EHBP1: variants seen among roughly 807,000 people sequenced by gnomAD.
The protein encoded by EHBP1 is EH domain binding protein 1.
A neutral mutation model predicts 144.0 loss-of-function variants in EHBP1; 55 were observed. That is an observed-to-expected ratio of 0.38 (90% CI 0.31 to 0.48). The LOEUF (loss-of-function observed/expected upper bound fraction) is 0.48, where lower values mean the gene tolerates loss of function less well. Ranked by LOEUF, EHBP1 falls within the 20% of genes least tolerant of loss-of-function variation. EHBP1 has a pLI of 0.98. For synonymous variants in EHBP1, 469 were observed against 472.7 expected (o/e 0.99, Z 0.10); for missense variants, 1,200 against 1,364.2 (o/e 0.88, Z 1.90).
chr2:62,722,023 CTCTT>C (rs1558548347), intron 2 of EHBP1, among the ~76,000 whole-genome samples: 1 of 152,114 alleles, frequency 6.6e-6, no homozygotes, highest in Non-Finnish European at 1.5e-5. Flanking sequence ...TTATCAATCT[CTCTT>C]AAGCTATTTT....
At chr2:62,729,478 T>TATATATAA (rs1036724012) in intron 2 of EHBP1, among the ~76,000 whole-genome samples, 168 of 106,112 alleles carry the variant, frequency 1.6e-3, no homozygotes, top group Non-Finnish European at 2.3e-3. Context: ...TATATAAAAA[T>TATATATAA]ATATATAAAT....
intron 10 of EHBP1, among the ~76,000 whole-genome samples, chr2:62,906,695 T>C (rs566177372): frequency 1.3e-5 from 2 of 152,304 alleles, no homozygotes; most frequent in South Asian, 4.1e-4. Context: ...TCTAGTACAA[T>C]ATCACAACCA....
In EHBP1 at chr2:62,795,244, T is replaced by C. The variant is rs112358495; in HGVS notation, c.312+23852T>C. On this transcript the variant is annotated intron_variant, in intron 5 of 22. Coordinates refer to ENST00000431489, the MANE Select transcript of EHBP1 (RefSeq NM_001142616.3). Reference sequence around the variant, plus strand: ...AGGAAAATTAACATTCTCCTGCCTCTTCCTTCCTCCCTCCATCCTACCCCA... The same window carrying C: ...AGGAAAATTAACATTCTCCTGCCTCCTCCTTCCTCCCTCCATCCTACCCCA... Among the ~76,000 whole-genome samples the C allele has an allele frequency of 6.7e-4, 102 of 152,152 alleles. 1 individual carries two copies. Among genetic ancestry groups the C allele is most frequent in the African/African-American group, 2.3e-3 (95 of 41,560 alleles).
chr2:62,870,584 C>T (rs2050381445), intron 9 of EHBP1, among the ~76,000 whole-genome samples: 1 of 151,474 alleles, frequency 6.6e-6, no homozygotes, highest in Admixed American at 6.6e-5. Flanking sequence ...GGTGTAGTGG[C>T]AGGTGCCTGT....
intron 10 of EHBP1, among the ~76,000 whole-genome samples, chr2:62,930,278 G>C (rs2055881145): frequency 6.6e-6 from 1 of 152,052 alleles, no homozygotes; most frequent in South Asian, 2.1e-4. Flanking sequence ...AACAAAAACA[G>C]TAGCATCAAA....
chr2:62,870,734 A>AAAAAAAATATATATATATAT (rs2050404940), intron 9 of EHBP1, among the ~76,000 whole-genome samples: 1 of 136,622 alleles, frequency 7.3e-6, no homozygotes, highest in South Asian at 2.2e-4. Context: ...AAAAAAAAAA[A>AAAAAAAATATATATATATAT]ATACATATAT....
chr2:62,777,890 A>C (rs908865047), intron 5 of EHBP1, among the ~76,000 whole-genome samples: 2 of 152,222 alleles, frequency 1.3e-5, no homozygotes, highest in Non-Finnish European at 2.9e-5. Flanking sequence ...GGAAAGAAAT[A>C]GCAAAAGTAA....
intron 2 of EHBP1, among the ~76,000 whole-genome samples, chr2:62,711,167 A>G (rs901710995): frequency 4.3e-4 from 66 of 152,316 alleles, no homozygotes; most frequent in Non-Finnish European, 2.5e-4. Context: ...ACCCTCACAC[A>G]CACTCAGCAC....
intron 10 of EHBP1, among the ~76,000 whole-genome samples, chr2:62,917,441 C>A (rs570569963): frequency 2.6e-5 from 4 of 152,010 alleles, no homozygotes; most frequent in African/African-American, 9.7e-5. Context: ...TAAACAGATG[C>A]GCACGTGTGC....
At chr2:62,706,751 T>G (rs189590060) in intron 1 of EHBP1, 146 bp from the exon 2 acceptor site, 48 of 158,514 alleles carry the variant, frequency 3.0e-4, no homozygotes, top group Non-Finnish European at 5.4e-4. Context: ...TACTGGCTTT[T>G]GAGGTCAGTG....
rs938179092 is a variant in EHBP1 at position 62,908,404 on chromosome 2, T to A, written c.1185+33872T>A. Among the ~76,000 whole-genome samples, 4 of 152,152 alleles carry A rather than the reference T, an allele frequency of 2.6e-5. No homozygotes were observed. In the South Asian group the frequency reaches 6.2e-4, roughly 24 times the overall value. Reference sequence around the variant, plus strand: ...TTTACTCATCCTTTCAAGACCTAGCTGTTCGTTCCATTGATTTTTTTTCTC... The same window carrying A: ...TTTACTCATCCTTTCAAGACCTAGCAGTTCGTTCCATTGATTTTTTTTCTC... On this transcript the variant is annotated intron_variant, in intron 10 of 22. Coordinates refer to ENST00000431489, the MANE Select transcript of EHBP1 (RefSeq NM_001142616.3).
intron 19 of EHBP1, among the ~76,000 whole-genome samples, chr2:63,000,558 G>A (rs2059809761): frequency 6.6e-6 from 1 of 151,976 alleles, no homozygotes; most frequent in Non-Finnish European, 1.5e-5. Flanking sequence ...TTAGCAGGAT[G>A]TGGTGGTGGA....
chr2:63,045,477 G>T lies in EHBP1; in HGVS notation c.3460G>T (p.Glu1154Ter). ...AAACAAAGGCAAGATGGCCAAGAAA[G>T]AGGAGAAATGTGTTCTTCAGTAGCC... Reference protein sequence around the residue: ...EQNKGKMAKKEEKCVLQ With the variant: ...EQNKGKMAKK The change falls in exon 23 of 23, where the codon GAG (glutamate) becomes TAG (stop). Residue 1154 changes from glutamate to a stop codon, truncating the protein, a stop_gained. Coordinates refer to ENST00000431489, the MANE Select transcript of EHBP1 (RefSeq NM_001142616.3). LOFTEE classifies it high-confidence loss of function. This position sits in a 1 kb window ranked among gnomAD's most constrained non-coding sequence, Gnocchi z 5.7. 6.2e-7 allele frequency: 1 copy of T among 1,614,030 alleles called. No homozygotes were observed. Among genetic ancestry groups the T allele is most frequent in the Non-Finnish European group, 8.5e-7 (1 of 1,179,920 alleles).
At chr2:62,838,219 A>G (rs1329291849) in intron 7 of EHBP1, among the ~76,000 whole-genome samples, 16 of 152,200 alleles carry the variant, frequency 1.1e-4, no homozygotes, top group Non-Finnish European at 2.9e-5. Context: ...TGGAAACTGA[A>G]CAACCTGCTC....
At chr2:62,955,775 A>C in intron 14 of EHBP1, 115 bp downstream of exon 14, 1 of 1,125,752 alleles carries the variant, frequency 8.9e-7, no homozygotes, top group Non-Finnish European at 1.2e-6. Flanking sequence ...TACATTGTGA[A>C]TACTTGGTGC....
intron 19 of EHBP1, among the ~76,000 whole-genome samples, chr2:63,007,554 T>C (rs1406151854): frequency 6.6e-6 from 1 of 151,732 alleles, no homozygotes; most frequent in Non-Finnish European, 1.5e-5. Flanking sequence ...TACTTTCCCT[T>C]TAAATGCAGT....
intron 5 of EHBP1, among the ~76,000 whole-genome samples, chr2:62,818,286 C>G (rs916391312): frequency 6.7e-6 from 1 of 148,794 alleles, no homozygotes; most frequent in Non-Finnish European, 1.5e-5. Flanking sequence ...TGTTAGTGCC[C>G]TATACAGACA....
chr2:62,714,615 G>C (rs974506271), intron 2 of EHBP1, among the ~76,000 whole-genome samples: 16 of 152,108 alleles, frequency 1.1e-4, no homozygotes, highest in African/African-American at 3.9e-4. Flanking sequence ...GTAATAAAGG[G>C]GTTAGAACAG....
intron 21 of EHBP1, among the ~76,000 whole-genome samples, chr2:63,040,645 A>G (rs1303199318): frequency 1.3e-5 from 2 of 152,226 alleles, no homozygotes; most frequent in Non-Finnish European, 2.9e-5. Flanking sequence ...TTGTCTGTAT[A>G]TATATGACTG....
Sources: gnomAD v4.1 joint callset for allele counts (sites outside exome capture counted in the v4.1 genomes callset) on GRCh38, gnomAD v4.1.1 for gene constraint, Gnocchi (gnomAD v3.1) non-coding constraint, MANE v1.5 for transcripts, NCBI Gene and HGNC (gene_info 2026-07-23, HGNC 2026-07-21) for gene names.